BPIFC: variants seen among roughly 807,000 people sequenced by gnomAD.
BPIFC encodes BPI fold-containing family C protein.
Under a neutral mutation model 57.6 loss-of-function variants are expected in BPIFC, and 60 were observed. The ratio of observed to expected loss-of-function variants is 1.04; its 90% CI spans 0.85 to 1.29. The LOEUF (loss-of-function observed/expected upper bound fraction) is 1.29, where lower values mean the gene tolerates loss of function less well. Ranked by LOEUF, BPIFC falls within the 50% of genes most tolerant of loss-of-function variation. The pLI is 0.00. For synonymous variants in BPIFC, 243 were observed against 224.5 expected (o/e 1.08, Z -0.74); for missense variants, 581 against 600.5 (o/e 0.97, Z 0.34).
chr22:32,424,687 T>TTCCTCTTCTTCTTCC (rs1569448083), intron 13 of BPIFC, among the ~76,000 whole-genome samples: 1 of 77,650 alleles, frequency 1.3e-5, no homozygotes, highest in African/African-American at 7.3e-5. Context: ...CTTCTTCTTC[T>TTCCTCTTCTTCTTCC]TCTTCCTCTT....
chr22:32,444,243 G>C (rs935955001), intron 7 of BPIFC, among the ~76,000 whole-genome samples: 10 of 152,142 alleles, frequency 6.6e-5, no homozygotes, highest in Non-Finnish European at 4.4e-5. Flanking sequence ...CACTTTGCCA[G>C]GGACTCTAAT....
chr22:32,435,440 G>A (rs953388620), intron 10 of BPIFC, among the ~76,000 whole-genome samples: 8 of 152,168 alleles, frequency 5.3e-5, no homozygotes, highest in South Asian at 4.1e-4. Context: ...CTGCTCAACC[G>A]GTAAGTATAT....
chr22:32,417,096 G>A lies in BPIFC; in HGVS notation c.1313C>T (p.Pro438Leu). The A allele has an allele frequency of 1.2e-6, 2 of 1,603,390 alleles. No homozygotes were observed. The highest frequency in any genetic ancestry group is 1.7e-6 in the Non-Finnish European group (2 of 1,170,346). ...CAATAATCCCTTACCATTGGCCAGT[G>A]GGAGGACTCCAAAGTGAAGAATGGA... ...LSSILHFGVL[P>L]LANAKLQQGF... Residue 438 changes from proline to leucine, a missense_variant, in exon 15 of 17, where the codon CCA becomes CTA. By Grantham distance (98) the Pro-to-Leu change is moderately conservative. Transcript: ENST00000300399.
intron 4 of BPIFC, among the ~76,000 whole-genome samples, chr22:32,452,323 C>G (rs1465831654): frequency 6.6e-6 from 1 of 152,206 alleles, no homozygotes; most frequent in Non-Finnish European, 1.5e-5. Flanking sequence ...GTCACCATCT[C>G]TCTTCCTCCT....
At chr22:32,429,800 C>T (rs1015744838) in intron 13 of BPIFC, among the ~76,000 whole-genome samples, 3 of 152,006 alleles carry the variant, frequency 2.0e-5, no homozygotes, top group Non-Finnish European at 4.4e-5. Flanking sequence ...CAGGTGTGAG[C>T]GACCGCGCCT....
Position 32,432,517 on chromosome 22 carries a change from C to G in BPIFC, c.1005G>C (p.Gln335His). The change falls in exon 12 of 17, where the codon CAG becomes CAC. Residue 335 changes from glutamine (Q) to histidine (H), a missense_variant. Transcript: ENST00000300399. Reference protein sequence around the residue: ...SRIAEIYILSQPFMVRIMATE... With the variant: ...SRIAEIYILSHPFMVRIMATE... The stretch of plus-strand genomic sequence containing the variant: ...TGGCCATGATCCTCACCATGAAGGG[C>G]TGGGACAAGATGTAGATCTCTGCAA... The G allele has an allele frequency of 2.5e-6, 4 of 1,614,046 alleles. No homozygotes were observed. The highest frequency in any genetic ancestry group is 2.5e-6 in the Non-Finnish European group (3 of 1,180,002).
At chr22:32,443,555 T>C (rs1934630887) in intron 7 of BPIFC, among the ~76,000 whole-genome samples, 1 of 152,192 alleles carries the variant, frequency 6.6e-6, no homozygotes. Context: ...GCCACCTTTT[T>C]GGAATTTGAA....
Position 32,445,706 on chromosome 22 carries a change from A to C in BPIFC, c.531-8T>G, listed in dbSNP as rs1309343957. ...AAGGAGTTATACAGAACACTGAGGA[A>C]AAAAATGAAAAAAAAAAAAAAAAAA... On this transcript the variant is annotated splice_region_variant and splice_polypyrimidine_tract_variant and intron_variant, in intron 6 of 16. Transcript: ENST00000300399. The C allele has an allele frequency of 2.6e-6, 4 of 1,544,204 alleles. No homozygotes were observed. Among genetic ancestry groups the C allele is most frequent in the Non-Finnish European group, 3.5e-6 (4 of 1,158,914 alleles).
At chr22:32,450,904 G>T (rs79423560) in intron 4 of BPIFC, among the ~76,000 whole-genome samples, 12,248 of 152,170 alleles carry the variant, frequency 0.08, 584 homozygotes, top group African/African-American at 0.11. Context: ...ATTTAGATTT[G>T]ATAAGATTTT....
intron 9 of BPIFC, 75 bp downstream of exon 9, chr22:32,437,685 C>T (rs1057330874): frequency 1.8e-6 from 2 of 1,114,546 alleles, no homozygotes; most frequent in Non-Finnish European, 2.7e-6. Flanking sequence ...GGCACCGTGC[C>T]CAGTCCATAA....
At chr22:32,463,852 A>G (rs1935209686) in intron 1 of BPIFC, among the ~76,000 whole-genome samples, 1 of 151,992 alleles carries the variant, frequency 6.6e-6, no homozygotes, top group Non-Finnish European at 1.5e-5. Flanking sequence ...TTTCCCCAAA[A>G]CTCTATGCCT....
intron 2 of BPIFC, among the ~76,000 whole-genome samples, chr22:32,458,557 G>A (rs560807013): frequency 7.2e-5 from 11 of 152,274 alleles, no homozygotes; most frequent in African/African-American, 2.6e-4. Context: ...GCTTCATGGG[G>A]AAGGACTTCA....
intron 16 of BPIFC, among the ~76,000 whole-genome samples, 162 bp from the exon 17 acceptor site, chr22:32,414,587 C>T (rs532948363): frequency 2.0e-5 from 3 of 152,190 alleles, no homozygotes; most frequent in African/African-American, 7.2e-5. Flanking sequence ...GATCTTGGCT[C>T]ACTGCAAGCT....
At chr22:32,444,521 T>C (rs1280456127) in intron 7 of BPIFC, among the ~76,000 whole-genome samples, 17 of 152,182 alleles carry the variant, frequency 1.1e-4, no homozygotes, top group Admixed American at 1.0e-3. Flanking sequence ...TCCCTGTCCT[T>C]ATCTCCCCCA....
chr22:32,421,253 A>T (rs1399846754), intron 13 of BPIFC, among the ~76,000 whole-genome samples: 1 of 152,196 alleles, frequency 6.6e-6, no homozygotes, highest in South Asian at 2.1e-4. Flanking sequence ...TGATTTTTCT[A>T]TGCAATAATA....
At chr22:32,444,324 G>C (rs568236345) in intron 7 of BPIFC, among the ~76,000 whole-genome samples, 1 of 152,252 alleles carries the variant, frequency 6.6e-6, no homozygotes, top group South Asian at 2.1e-4. Flanking sequence ...CTGAGTCCTG[G>C]ACAGCTGCGC....
chr22:32,433,728 C>T lies in BPIFC; in HGVS notation c.969G>A (p.Val323=). 6.2e-7 allele frequency: 1 copy of T among 1,613,892 alleles called. No individual in the cohort carries two copies. The highest frequency in any genetic ancestry group is 8.5e-7 in the Non-Finnish European group (1 of 1,179,830). Residue 323 remains valine (V), a synonymous_variant, in exon 11 of 17, where the codon GTG becomes GTA. Coordinates refer to ENST00000300399, the MANE Select transcript of BPIFC (RefSeq NM_174932.3). ...AACCCTGAGCACTTACCCGGGAGAG[C>T]ACGTTGCCAAGGCCTTGAGAGTTTT... is the stretch of plus-strand genomic sequence containing the variant. The part of the protein sequence containing the change: ...FVQNSQGLGN[V]LSRIAEIYIL...
intron 8 of BPIFC, among the ~76,000 whole-genome samples, chr22:32,439,543 A>C (rs550838108): frequency 3.1e-4 from 47 of 152,352 alleles, no homozygotes; most frequent in African/African-American, 1.0e-3. Flanking sequence ...GATGAAAAGC[A>C]AGAAGAGATG....
At chr22:32,431,439 A>ATTTATTTTTTTTTTTTTTTT in intron 12 of BPIFC, 25 bp from the exon 13 acceptor site, 4 of 1,343,072 alleles carry the variant, frequency 3.0e-6, no homozygotes, top group South Asian at 1.2e-5. Flanking sequence ...AGCATTTATT[A>ATTTATTTTTTTTTTTTTTTT]TTAAGACGAG....
Sources: allele counts gnomAD v4.1 joint callset (sites outside exome capture counted in the v4.1 genomes callset), GRCh38; gene constraint gnomAD v4.1.1; transcripts MANE v1.5; gene names NCBI Gene and HGNC (gene_info 2026-07-23, HGNC 2026-07-21).